PCDH11X: variants seen among roughly 807,000 people sequenced by gnomAD.
The protein encoded by PCDH11X is protocadherin-11 X-linked.
A neutral mutation model predicts 53.3 loss-of-function variants in PCDH11X; 18 were observed. The ratio of observed to expected loss-of-function variants is 0.34; its 90% CI spans 0.23 to 0.50. PCDH11X has a LOEUF of 0.50. Ranked by LOEUF, PCDH11X falls within the 20% of genes least tolerant of loss-of-function variation. The pLI is 0.98. For missense variants in PCDH11X, 570 were observed against 1,032.4 expected, an observed-to-expected ratio of 0.55 and a Z score of 6.14; for synonymous variants, 279 against 393.3, an observed-to-expected ratio of 0.71 and a Z score of 3.44.
intron 10 of PCDH11X, among the ~76,000 whole-genome samples, chrX:92,472,180 G>A (rs770807046): frequency 1.3e-4 from 14 of 109,494 alleles, no homozygotes; most frequent in South Asian, 1.2e-3. Context: ...TTTTGCCAGC[G>A]CCTGTATCCG....
In PCDH11X at chrX:92,548,237, A is replaced by G. The variant is rs768561682; in HGVS notation, c.3368-70027A>G. ...CAGGCTGGAGTGCAGTGACACAATCATGGCTCACTGCTCGCTTGACCTCCC... is the reference window on the plus strand; with the variant it reads ...CAGGCTGGAGTGCAGTGACACAATCGTGGCTCACTGCTCGCTTGACCTCCC... On this transcript the variant is annotated intron_variant, in intron 10 of 10. Transcript: ENST00000682573. Among the ~76,000 whole-genome samples, 28 of 110,306 alleles carry G rather than the reference A, an allele frequency of 2.5e-4. No individual in the cohort carries two copies. The South Asian group carries it at 0.011, about 43-fold the overall frequency.
At chrX:92,567,939 A>G (rs893282199) in intron 10 of PCDH11X, among the ~76,000 whole-genome samples, 19 of 109,500 alleles carry the variant, frequency 1.7e-4, no homozygotes, top group African/African-American at 6.3e-4. Flanking sequence ...GCGACAAACC[A>G]CCATGGCACA....
intron 8 of PCDH11X, among the ~76,000 whole-genome samples, chrX:92,273,091 G>A (rs973665623): frequency 7.2e-5 from 8 of 111,417 alleles, no homozygotes; most frequent in East Asian, 2.8e-4. Flanking sequence ...TCTTTCATGC[G>A]CATCCATGTG....
intron 8 of PCDH11X, among the ~76,000 whole-genome samples, chrX:92,285,125 TTTA>T (rs1403784707): frequency 9.1e-6 from 1 of 109,971 alleles, no homozygotes; most frequent in Non-Finnish European, 1.9e-5. Flanking sequence ...CAGTGCCCAG[TTTA>T]TTATTGTTAT....
Position 92,424,431 on chromosome X carries a change from C to A in PCDH11X, c.3343+36498C>A, listed in dbSNP as rs2072059817. On this transcript the variant is annotated intron_variant, in intron 9 of 10. Coordinates refer to ENST00000682573, the MANE Select transcript of PCDH11X (RefSeq NM_032968.5). ...CTGAAGTTCAGGTTTTAGGTTATATCATAGTTCAGGTTTCAAAACCCCTTA... is the reference window on the plus strand; with the variant it reads ...CTGAAGTTCAGGTTTTAGGTTATATAATAGTTCAGGTTTCAAAACCCCTTA... Among the ~76,000 whole-genome samples, 2 of 96,503 alleles carry A rather than the reference C, an allele frequency of 2.1e-5. 1 individual carries two copies. Among genetic ancestry groups the A allele is most frequent in the African/African-American group, 6.7e-5 (2 of 29,823 alleles). The allele number at this position is 96,503 out of a possible 115,157, so 83.8% of individuals were successfully genotyped here.
chrX:92,154,727 A>G (rs1383855536), intron 6 of PCDH11X, among the ~76,000 whole-genome samples: 1 of 108,551 alleles, frequency 9.2e-6, no homozygotes, highest in African/African-American at 3.4e-5. Flanking sequence ...GCCATTGACT[A>G]GTGGAACAAC....
chrX:92,475,961 A>AAAG (rs770345822), intron 10 of PCDH11X, among the ~76,000 whole-genome samples: 82 of 111,506 alleles, frequency 7.4e-4, no homozygotes, highest in African/African-American at 2.5e-3. Flanking sequence ...TCTGTTATTA[A>AAAG]AAGACTGATA....
intron 9 of PCDH11X, among the ~76,000 whole-genome samples, chrX:92,407,475 A>C (rs1176428485): frequency 9.1e-6 from 1 of 109,930 alleles, no homozygotes; most frequent in African/African-American, 3.3e-5. Flanking sequence ...AAATGTGAAA[A>C]TTGTAAAATG....
At chrX:92,305,237 G>C (rs1220098646) in intron 8 of PCDH11X, among the ~76,000 whole-genome samples, 2 of 110,657 alleles carry the variant, frequency 1.8e-5, no homozygotes, top group Admixed American at 9.6e-5. Flanking sequence ...TGCCATAACA[G>C]TTATGAGAAT....
At chrX:92,566,534 G>A (rs910486977) in intron 10 of PCDH11X, among the ~76,000 whole-genome samples, 8 of 108,236 alleles carry the variant, frequency 7.4e-5, no homozygotes, top group Non-Finnish European at 1.5e-4. Context: ...TAGAAATACA[G>A]CCTTTGAAGA....
chrX:92,542,565 C>A (rs1426135977), intron 10 of PCDH11X, among the ~76,000 whole-genome samples: 5 of 110,547 alleles, frequency 4.5e-5, no homozygotes, highest in African/African-American at 6.6e-5. Flanking sequence ...GTGGGATTCA[C>A]AATATATTAT....
At chrX:91,833,261 AT>A (rs1254537872) in intron 4 of PCDH11X, among the ~76,000 whole-genome samples, 2 of 111,446 alleles carry the variant, frequency 1.8e-5, no homozygotes, top group African/African-American at 6.5e-5. Context: ...TCACATAAAC[AT>A]CCAAAACTTC....
chrX:92,460,543 G>C (rs1303607386), intron 9 of PCDH11X: 1 of 740,715 alleles, frequency 1.4e-6, no homozygotes, highest in Non-Finnish European at 2.1e-6. Flanking sequence ...CTGAGATGAC[G>C]CTCACAGAGC....
At position 92,113,561 on chromosome X, in the gene PCDH11X, C is replaced by A; in HGVS notation, c.3034-87814C>A. 5.8e-6 allele frequency: 7 copies of A among 1,198,747 alleles called. No individual in the cohort carries two copies. In the South Asian group the frequency reaches 8.8e-5, roughly 15 times the overall value. ...TTTTGGTCCATATCTCCATGCATGGCGGAGACAGTGAAATCTCGAGCATGC... is the reference window on the plus strand; with the variant it reads ...TTTTGGTCCATATCTCCATGCATGGAGGAGACAGTGAAATCTCGAGCATGC... On this transcript the variant is annotated intron_variant, in intron 6 of 10. Transcript: ENST00000682573.
At chrX:91,928,063 T>C (rs2524655) in intron 6 of PCDH11X, among the ~76,000 whole-genome samples, 1 of 110,507 alleles carries the variant, frequency 9.0e-6, no homozygotes. Flanking sequence ...TAAAAAAGAG[T>C]TGAGACAGAC....
At chrX:92,293,349 A>G (rs6522514) in intron 8 of PCDH11X, among the ~76,000 whole-genome samples, 17,813 of 109,648 alleles carry the variant, frequency 0.16, 2,060 homozygotes, top group East Asian at 0.47. Flanking sequence ...TGTGGGCCAG[A>G]CACGGTGGCT....
chrX:92,160,456 C>T (rs1281881993), intron 6 of PCDH11X, among the ~76,000 whole-genome samples: 5 of 108,599 alleles, frequency 4.6e-5, no homozygotes, highest in South Asian at 4.0e-4. Context: ...TCATAGTCTC[C>T]GATCCTATCC....
chrX:91,923,186 T>C (rs1431174575), intron 6 of PCDH11X, among the ~76,000 whole-genome samples: 1 of 101,265 alleles, frequency 9.9e-6, no homozygotes, highest in Admixed American at 1.1e-4. Flanking sequence ...AAGAGATGTG[T>C]GTGGGTTCAA....
At chrX:91,946,451 C>T (rs1261512252) in intron 6 of PCDH11X, among the ~76,000 whole-genome samples, 1 of 100,967 alleles carries the variant, frequency 9.9e-6, no homozygotes, top group Admixed American at 1.1e-4. Flanking sequence ...ATATATCATA[C>T]TTGACTGCAA....
Sources: gnomAD v4.1 joint callset for allele counts (sites outside exome capture counted in the v4.1 genomes callset) on GRCh38, gnomAD v4.1.1 for gene constraint, MANE v1.5 for transcripts, NCBI Gene and HGNC (gene_info 2026-07-23, HGNC 2026-07-21) for gene names.